The following ZCWPW2 variants were observed in gnomAD, a reference collection of about 807,000 sequenced individuals.
ZCWPW2 encodes zinc finger CW-type and PWWP domain containing 2.
In ZCWPW2, 45 loss-of-function variants were observed where a neutral mutation model predicts 46.6. The ratio of observed to expected loss-of-function variants is 0.96; its 90% CI spans 0.76 to 1.24. The LOEUF (loss-of-function observed/expected upper bound fraction) is 1.24, where lower values mean the gene tolerates loss of function less well. ZCWPW2 is among the 50% of genes most tolerant of loss of function. ZCWPW2 has a pLI of 0.00. For missense variants in ZCWPW2, 429 were observed against 403.9 expected (o/e 1.06, Z -0.53); for synonymous variants, 152 against 137.1 (o/e 1.11, Z -0.76).
intron 2 of ZCWPW2, among the ~76,000 whole-genome samples, chr3:28,412,547 G>C (rs762681002): frequency 7.9e-5 from 12 of 151,926 alleles, no homozygotes; most frequent in Non-Finnish European, 1.5e-4. Flanking sequence ...TTAAATTCCA[G>C]CTCTACTGTG....
chr3:28,427,421 A>T (rs1697062407), intron 3 of ZCWPW2, among the ~76,000 whole-genome samples: 1 of 152,188 alleles, frequency 6.6e-6, no homozygotes, highest in South Asian at 2.1e-4. Context: ...CCTTTAGTTT[A>T]GCACATTCAT....
chr3:28,457,517 G>C (rs1307989899), intron 4 of ZCWPW2, among the ~76,000 whole-genome samples: 1 of 152,206 alleles, frequency 6.6e-6, no homozygotes. Flanking sequence ...GTGCAAATGA[G>C]TGCATGCTTA....
In ZCWPW2 at chr3:28,521,136, T is replaced by C. The variant is rs1388976742; in HGVS notation, c.909+20T>C. 6.3e-7 allele frequency: 1 copy of C among 1,582,060 alleles called. No homozygotes were observed. The highest frequency in any genetic ancestry group is 8.5e-7 in the Non-Finnish European group (1 of 1,170,118). On this transcript the variant is annotated intron_variant, in intron 9 of 9. Coordinates refer to ENST00000383768, the MANE Select transcript of ZCWPW2 (RefSeq NM_001040432.4). ...GAAAAGGTAATATTGATAGTTATTT[T>C]CAGACCTAAATAACAACTTCAAATT...
chr3:28,434,562 A>G (rs1697405897), intron 3 of ZCWPW2, among the ~76,000 whole-genome samples: 1 of 152,204 alleles, frequency 6.6e-6, no homozygotes. Flanking sequence ...CAGATGGAGG[A>G]AGGAGACAGG....
chr3:28,484,099 T>C (rs1288213543), intron 5 of ZCWPW2, among the ~76,000 whole-genome samples: 1 of 152,128 alleles, frequency 6.6e-6, no homozygotes, highest in Admixed American at 6.5e-5. Context: ...TTAAATATGA[T>C]ACTAGCTTTA....
chr3:28,381,211 T>C (rs1695094663), intron 1 of ZCWPW2, among the ~76,000 whole-genome samples: 1 of 151,036 alleles, frequency 6.6e-6, no homozygotes, highest in Non-Finnish European at 1.5e-5. Flanking sequence ...TTCCAAACTA[T>C]GCAGGAATTG....
intron 1 of ZCWPW2, among the ~76,000 whole-genome samples, chr3:28,363,894 A>T (rs563479079): frequency 6.6e-6 from 1 of 152,266 alleles, no homozygotes; most frequent in South Asian, 2.1e-4. Flanking sequence ...GTGGTGGTGG[A>T]CATTCCCTCC....
chr3:28,472,867 A>C (rs1421619371), intron 4 of ZCWPW2, among the ~76,000 whole-genome samples: 1 of 151,912 alleles, frequency 6.6e-6, no homozygotes, highest in Non-Finnish European at 1.5e-5. Flanking sequence ...AAGCTCAAAC[A>C]GTTCTATAGG....
chr3:28,523,462 A>G (rs1184782264), intron 9 of ZCWPW2, among the ~76,000 whole-genome samples: 1 of 152,160 alleles, frequency 6.6e-6, no homozygotes, highest in Non-Finnish European at 1.5e-5. Context: ...AACTCCACTT[A>G]AAGCTGGAGA....
chr3:28,454,152 A>G (rs1293762727), intron 4 of ZCWPW2, among the ~76,000 whole-genome samples: 1 of 152,064 alleles, frequency 6.6e-6, no homozygotes, highest in Admixed American at 6.6e-5. Context: ...CCAATTGTGT[A>G]TATTTATAAT....
intron 3 of ZCWPW2, among the ~76,000 whole-genome samples, chr3:28,417,336 A>G (rs1029595029): frequency 5.9e-5 from 9 of 152,168 alleles, no homozygotes; most frequent in Admixed American, 2.6e-4. Context: ...ATCTCTGAAT[A>G]GACCAATAAC....
At chr3:28,477,939 CATTT>C (rs1699293503) in intron 4 of ZCWPW2, among the ~76,000 whole-genome samples, 1 of 152,050 alleles carries the variant, frequency 6.6e-6, no homozygotes, top group South Asian at 2.1e-4. Context: ...GTCAATTTAA[CATTT>C]ATTTTTGACC....
intron 4 of ZCWPW2, among the ~76,000 whole-genome samples, chr3:28,464,003 T>C (rs1208475138): frequency 2.0e-5 from 3 of 151,430 alleles, no homozygotes; most frequent in Non-Finnish European, 4.4e-5. Context: ...AAAAGGAAAA[T>C]TTTGGGGGAG....
At chr3:28,482,968 G>C (rs1180416220) in intron 5 of ZCWPW2, among the ~76,000 whole-genome samples, 2 of 152,122 alleles carry the variant, frequency 1.3e-5, no homozygotes, top group Non-Finnish European at 2.9e-5. Flanking sequence ...TCTCTTGACA[G>C]AATCTTTGGC....
chr3:28,353,167 G>A lies in ZCWPW2; in HGVS notation c.-134+3964G>A, dbSNP rs559303645. ...CCACTGCACTCCGGCCTGGGTGACA[G>A]ACCAAGACTCCGTCTCAAAAAAAAA... On this transcript the variant is annotated intron_variant, in intron 1 of 9. Transcript: ENST00000383768. Among the ~76,000 whole-genome samples the A allele has an allele frequency of 1.2e-3, 176 of 150,498 alleles. 1 individual carries two copies. Among genetic ancestry groups the A allele is most frequent in the African/African-American group, 4.0e-3 (163 of 40,894 alleles).
At chr3:28,407,704 T>G (rs1413355222) in intron 2 of ZCWPW2, among the ~76,000 whole-genome samples, 1 of 152,192 alleles carries the variant, frequency 6.6e-6, no homozygotes, top group Non-Finnish European at 1.5e-5. Context: ...ATTTTTAAAA[T>G]TTAATATTTT....
intron 1 of ZCWPW2, among the ~76,000 whole-genome samples, chr3:28,369,264 G>GT (rs993713500): frequency 3.1e-4 from 47 of 152,190 alleles, no homozygotes; most frequent in African/African-American, 1.1e-3. Context: ...TTTTTCTGCT[G>GT]TTTTTTCCCC....
intron 1 of ZCWPW2, chr3:28,351,433 C>T (rs1371714013): frequency 6.6e-6 from 1 of 151,498 alleles, no homozygotes; most frequent in Non-Finnish European, 1.5e-5. Flanking sequence ...AATATCTTAA[C>T]AAAGAATATG....
chr3:28,454,601 A>T (rs1470828472), intron 4 of ZCWPW2, among the ~76,000 whole-genome samples: 1 of 152,162 alleles, frequency 6.6e-6, no homozygotes, highest in Non-Finnish European at 1.5e-5. Context: ...TAAGCCCAGC[A>T]TCCCCTATCT....
Sources: gnomAD v4.1 joint callset for allele counts (sites outside exome capture counted in the v4.1 genomes callset) on GRCh38, gnomAD v4.1.1 for gene constraint, MANE v1.5 for transcripts, NCBI Gene and HGNC (gene_info 2026-07-23, HGNC 2026-07-21) for gene names.